The following ABLIM1 variants were observed in gnomAD, a reference collection of about 807,000 sequenced individuals.
ABLIM1 encodes the protein actin-binding LIM protein 1.
ABLIM1 carries 40 observed loss-of-function variants against 107.0 expected under a neutral mutation model. The ratio of observed to expected loss-of-function variants is 0.37; its 90% CI spans 0.29 to 0.49. The LOEUF is 0.49. Ranked by LOEUF, ABLIM1 falls within the 20% of genes least tolerant of loss-of-function variation. ABLIM1 has a pLI of 0.97. For synonymous variants in ABLIM1, 357 were observed against 357.3 expected (o/e 1.00, Z 0.01); for missense variants, 857 against 1,008.5 (o/e 0.85, Z 2.04).
chr10:114,454,657 A>C (rs1197675089), intron 12 of ABLIM1, among the ~76,000 whole-genome samples: 1 of 152,222 alleles, frequency 6.6e-6, no homozygotes, highest in Non-Finnish European at 1.5e-5. Context: ...AGAATGGCCA[A>C]GATAAACTAA....
At chr10:114,521,682 T>C (rs1447062906) in intron 6 of ABLIM1, among the ~76,000 whole-genome samples, 1 of 152,014 alleles carries the variant, frequency 6.6e-6, no homozygotes, top group Non-Finnish European at 1.5e-5. Context: ...TTTCCTTCCT[T>C]CCCTCTCCTT....
chr10:114,761,698 T>C (rs58366976), intron 1 of ABLIM1, among the ~76,000 whole-genome samples: 5,375 of 151,990 alleles, frequency 0.035, 313 homozygotes, highest in African/African-American at 0.12. Flanking sequence ...GCCCTCTCCA[T>C]CTCCCAACTC....
At position 114,571,371 on chromosome 10, in the gene ABLIM1, T is replaced by C. The variant is rs1179676356; in HGVS notation, c.599A>G (p.Asn200Ser). ...GAGTTGACAAAGGCAGTCTCTCCCATTGAATGTGACTCGGTCTCCGGGTGG... is the reference window on the plus strand; with the variant it reads ...GAGTTGACAAAGGCAGTCTCTCCCACTGAATGTGACTCGGTCTCCGGGTGG... ...PFPPGDRVTF[N>S]GRDCLCQLCA... Residue 200 changes from asparagine (N) to serine (S), a missense_variant, in exon 4 of 23, where the codon AAT (asparagine) becomes AGT (serine). Around this residue, in one of 5 missense-constraint regions of ABLIM1, gnomAD observed 381 missense variants for 506.9 expected, o/e 0.75. Coordinates refer to ENST00000533213, the MANE Select transcript of ABLIM1 (RefSeq NM_002313.7). The C allele has an allele frequency of 3.1e-6, 5 of 1,614,160 alleles. No individual in the cohort carries two copies. Among genetic ancestry groups the C allele is most frequent in the Admixed American group, 1.7e-5 (1 of 60,018 alleles).
upstream of ABLIM1, among the ~76,000 whole-genome samples, chr10:114,770,442 C>T (rs1414749759): frequency 5.9e-5 from 9 of 152,074 alleles, no homozygotes; most frequent in Admixed American, 5.9e-4. Flanking sequence ...ACTATTTTTC[C>T]CTCTGTTTCT....
chr10:114,570,548 G>T (rs2071487778), intron 4 of ABLIM1, among the ~76,000 whole-genome samples: 1 of 136,954 alleles, frequency 7.3e-6, no homozygotes, highest in African/African-American at 2.7e-5. Context: ...AGATATTTTT[G>T]TGTATGCAAA....
chr10:114,575,547 A>G lies in ABLIM1; in HGVS notation c.432T>C (p.Tyr144=). Residue 144 remains tyrosine (Y), a synonymous_variant, in exon 3 of 23, where the codon TAT becomes TAC. Transcript: ENST00000533213. The stretch of plus-strand genomic sequence containing the variant: ...TCCGCTGGTAGTCCAGGGTGCAGAG[A>G]TACTCTCCGTTCTTTATGAAGAAGC... ...QGGFFIKNGE[Y]LCTLDYQRMY... 1 of 1,614,152 alleles carries G rather than the reference A, an allele frequency of 6.2e-7. No homozygotes were observed. Among genetic ancestry groups the G allele is most frequent in the Non-Finnish European group, 8.5e-7 (1 of 1,180,028 alleles).
chr10:114,575,919 C>G (rs2072472175), intron 2 of ABLIM1, among the ~76,000 whole-genome samples: 1 of 152,180 alleles, frequency 6.6e-6, no homozygotes, highest in African/African-American at 2.4e-5. Context: ...GTGTCCCTGG[C>G]AGTGTGCTAT....
chr10:114,601,049 T>TACACACACAC (rs59709817), intron 2 of ABLIM1, among the ~76,000 whole-genome samples: 5 of 128,532 alleles, frequency 3.9e-5, no homozygotes, highest in Non-Finnish European at 8.1e-5. Flanking sequence ...CACATCTCAA[T>TACACACACAC]ACACACACAC....
intron 6 of ABLIM1, among the ~76,000 whole-genome samples, chr10:114,514,724 T>C (rs1185138177): frequency 1.3e-5 from 2 of 152,290 alleles, no homozygotes; most frequent in East Asian, 3.9e-4. Context: ...TCTTGCAGAC[T>C]GCATGAAAAC....
intron 1 of ABLIM1, among the ~76,000 whole-genome samples, chr10:114,638,289 T>G (rs1467421076): frequency 6.6e-6 from 1 of 152,218 alleles, no homozygotes; most frequent in African/African-American, 2.4e-5. Context: ...TGCTTCAAAG[T>G]ATTTGCCAAG....
chr10:114,614,625 T>C, intron 1 of ABLIM1, among the ~76,000 whole-genome samples: 1 of 152,142 alleles, frequency 6.6e-6, no homozygotes, highest in East Asian at 1.9e-4. Context: ...AAACACAACT[T>C]GCCTAGAGGA....
rs566012024 is a variant in ABLIM1, at chr10:114,434,089, G to C, written c.*2171C>G. On this transcript the variant is annotated 3_prime_UTR_variant, in exon 23 of 23. Transcript: ENST00000533213. The stretch of plus-strand genomic sequence containing the variant: ...GCAAGGATGAGGACACCCAGGCATT[G>C]TGCCAAGGCTGCCATTGCAGGAGGG... The C allele has an allele frequency of 3.3e-5, 5 of 152,352 alleles. No homozygotes were observed. The highest frequency in any genetic ancestry group is 7.3e-5 in the Non-Finnish European group (5 of 68,070). 9.4% of individuals were successfully genotyped at this position (152,352 alleles called of 1,614,324 possible).
chr10:114,439,374 T>A, intron 20 of ABLIM1, 124 bp from the exon 21 acceptor site: 1 of 932,562 alleles, frequency 1.1e-6, no homozygotes, highest in Non-Finnish European at 1.7e-6. Flanking sequence ...TTGTGTCATC[T>A]AAATGACCAT....
At chr10:114,544,263 G>A (rs2067042341) in intron 6 of ABLIM1, among the ~76,000 whole-genome samples, 1 of 152,150 alleles carries the variant, frequency 6.6e-6, no homozygotes, top group Admixed American at 6.5e-5. Flanking sequence ...CTGGCAGGTG[G>A]GCCACAGATG....
intron 1 of ABLIM1, among the ~76,000 whole-genome samples, chr10:114,726,720 G>A (rs2081967528): frequency 6.6e-6 from 1 of 152,114 alleles, no homozygotes; most frequent in Non-Finnish European, 1.5e-5. Flanking sequence ...GACAGAGGTT[G>A]CAGGGAGTGG....
chr10:114,490,736 T>C (rs1190998156), intron 7 of ABLIM1, among the ~76,000 whole-genome samples: 4 of 142,820 alleles, frequency 2.8e-5, no homozygotes, highest in African/African-American at 1.2e-4. Flanking sequence ...AAACTGATCA[T>C]ATATATATAT....
the ABLIM1 span, among the ~76,000 whole-genome samples, chr10:114,789,509 T>C: frequency 1.3e-5 from 2 of 152,186 alleles, no homozygotes; most frequent in Admixed American, 6.5e-5. Flanking sequence ...GATTGTTACA[T>C]AGGTAAACTC....
At chr10:114,583,070 C>A (rs943847150) in intron 2 of ABLIM1, among the ~76,000 whole-genome samples, 4 of 151,916 alleles carry the variant, frequency 2.6e-5, no homozygotes, top group African/African-American at 9.7e-5. Context: ...ACAGAGTAAA[C>A]AGACAACCTA....
At chr10:114,562,047 A>G (rs999303990) in intron 4 of ABLIM1, among the ~76,000 whole-genome samples, 1 of 152,114 alleles carries the variant, frequency 6.6e-6, no homozygotes, top group Non-Finnish European at 1.5e-5. Context: ...TTTGGCTACT[A>G]TGTAAGATTC....
Sources: gnomAD v4.1 joint callset for allele counts (sites outside exome capture counted in the v4.1 genomes callset) on GRCh38, gnomAD v4.1.1 for gene constraint, gnomAD v4.1.1 regional missense constraint, MANE v1.5 for transcripts, NCBI Gene and HGNC (gene_info 2026-07-23, HGNC 2026-07-21) for gene names.